Variants in ING1 observed in about 807,000 individuals in gnomAD.
ING1 encodes inhibitor of growth protein 1.
In ING1, 4 loss-of-function variants were observed where a neutral mutation model predicts 23.1. The observed-to-expected ratio is 0.17, with a 90% CI of 0.09 to 0.40. The LOEUF (loss-of-function observed/expected upper bound fraction) is 0.40. ING1 is among the 10% of genes least tolerant of loss of function. The pLI is 1.00. For missense variants in ING1, 256 were observed against 393.8 expected, an observed-to-expected ratio of 0.65 and a Z score of 2.96; for synonymous variants, 179 against 166.4, an observed-to-expected ratio of 1.08 and a Z score of -0.58.
At chr13:110,715,300 G>T in intron 1 of ING1, 2 of 1,381,148 alleles carry the variant, frequency 1.4e-6, no homozygotes, top group Non-Finnish European at 9.3e-7. Flanking sequence ...AAAATTGACC[G>T]CTATCCCCGA....
At chr13:110,715,821 C>T in intron 1 of ING1, 2 of 1,587,140 alleles carry the variant, frequency 1.3e-6, no homozygotes, top group South Asian at 2.2e-5. Flanking sequence ...CGCCCCGGCC[C>T]CTCTCCCCGC....
In ING1 at chr13:110,721,403, A is replaced by C. The variant is rs1314446907; in HGVS notation, c.*1471A>C. Reference sequence around the variant, plus strand: ...CAGCCTCCCCAGTAGCTAGGATTACAGGCATGCACCACCACGCCTGGCTAA... The same window carrying C: ...CAGCCTCCCCAGTAGCTAGGATTACCGGCATGCACCACCACGCCTGGCTAA... On this transcript the variant is annotated 3_prime_UTR_variant, in exon 2 of 2. Transcript: ENST00000333219. 1 of 152,214 alleles carries C rather than the reference A, an allele frequency of 6.6e-6. No homozygotes were observed. The highest frequency in any genetic ancestry group is 2.4e-5 in the African/African-American group (1 of 41,400). The allele number at this position is 152,214 out of a possible 1,614,324, so 9.4% of individuals were successfully genotyped here. A position where few individuals can be genotyped will look rare whatever the true frequency, so the allele number is the denominator to read the frequency against.
In ING1 at chr13:110,713,912, G is replaced by C. The variant is rs538030078; in HGVS notation, c.-238G>C. 3.1e-6 allele frequency: 3 copies of C among 982,500 alleles called. No individual in the cohort carries two copies. In the East Asian group the frequency reaches 3.4e-4, roughly 111 times the overall value. The allele number at this position is 982,500 out of a possible 1,614,324, so 60.9% of individuals were successfully genotyped here. ...GAGAGGGGGCCTGCGCCGCCGGCCG[G>C]GGCGTGCGCCCGGGAGCCACCGCCA... On this transcript the variant is annotated 5_prime_UTR_variant, in exon 1 of 2. Coordinates refer to ENST00000333219, the MANE Select transcript of ING1 (RefSeq NM_198219.3).
In ING1 at chr13:110,715,879, C is replaced by T. The variant is rs761006274; in HGVS notation, c.136+1594C>T. The T allele has an allele frequency of 1.9e-6, 3 of 1,591,620 alleles. No individual in the cohort carries two copies. The South Asian group carries it at 3.3e-5, about 18-fold the overall frequency. ...CGGATTTATAGCAGTAGCAGTGATC[C>T]CGGGCCTGTGGGCTCGGGGCCGGGG... On this transcript the variant is annotated intron_variant, in intron 1 of 1. Coordinates refer to ENST00000333219, the MANE Select transcript of ING1 (RefSeq NM_198219.3).
Position 110,713,921 on chromosome 13 carries a change from C to G in ING1, c.-229C>G, listed in dbSNP as rs1240344821. Reference sequence around the variant, plus strand: ...CCTGCGCCGCCGGCCGGGGCGTGCGCCCGGGAGCCACCGCCACCGCGGCCC... The same window carrying G: ...CCTGCGCCGCCGGCCGGGGCGTGCGGCCGGGAGCCACCGCCACCGCGGCCC... On this transcript the variant is annotated 5_prime_UTR_variant, in exon 1 of 2. Transcript: ENST00000333219. The G allele has an allele frequency of 1.0e-6, 1 of 986,564 alleles. No homozygotes were observed. Among genetic ancestry groups the G allele is most frequent in the African/African-American group, 1.8e-5 (1 of 56,982 alleles). 61.1% of individuals were successfully genotyped at this position (986,564 alleles called of 1,614,324 possible).
chr13:110,717,877 A>G (rs1054900408), intron 1 of ING1, among the ~76,000 whole-genome samples: 1 of 152,204 alleles, frequency 6.6e-6, no homozygotes, highest in Non-Finnish European at 1.5e-5. Flanking sequence ...AGACTGCAAA[A>G]AGGTTTTAGG....
At chr13:110,718,004 A>G (rs2064138760) in intron 1 of ING1, among the ~76,000 whole-genome samples, 2 of 152,206 alleles carry the variant, frequency 1.3e-5, no homozygotes, top group African/African-American at 4.8e-5. Context: ...TAGATTTTTT[A>G]ATAGCTTTTG....
chr13:110,715,811 C>A, intron 1 of ING1: 1 of 1,582,840 alleles, frequency 6.3e-7, no homozygotes. Flanking sequence ...TGGCGGGTGT[C>A]GCCCCGGCCC....
chr13:110,716,107 T>C, intron 1 of ING1: 1 of 1,278,910 alleles, frequency 7.8e-7, no homozygotes, highest in Admixed American at 3.3e-5. Context: ...GGGGTGACCC[T>C]GGGGCTCCGG....
In ING1 at chr13:110,719,977, T is replaced by C; in HGVS notation, c.*45T>C. 7.4e-7 allele frequency: 1 copy of C among 1,351,220 alleles called. No homozygotes were observed. The allele number at this position is 1,351,220 out of a possible 1,614,324, so 83.7% of individuals were successfully genotyped here. ...TGTGAGGAGGACAAAATAAACCGTGTATTTATTACATTGCTGCCTTTGTTG... is the reference window on the plus strand; with the variant it reads ...TGTGAGGAGGACAAAATAAACCGTGCATTTATTACATTGCTGCCTTTGTTG... On this transcript the variant is annotated 3_prime_UTR_variant, in exon 2 of 2. Transcript: ENST00000333219. The surrounding 1 kb of genome is among the most constrained non-coding windows in gnomAD (Gnocchi z 8.9).
chr13:110,712,894 C>A, upstream of ING1: 1 of 1,470,446 alleles, frequency 6.8e-7, no homozygotes, highest in Non-Finnish European at 9.3e-7. Context: ...TACCGGGAGA[C>A]GACACAAAGG....
Position 110,720,810 on chromosome 13 carries a change from C to G in ING1, c.*878C>G, listed in dbSNP as rs2064166139. 1 of 167,028 alleles carries G rather than the reference C, an allele frequency of 6.0e-6. No individual in the cohort carries two copies. The highest frequency in any genetic ancestry group is 2.4e-5 in the African/African-American group (1 of 41,430). 10.3% of individuals were successfully genotyped at this position (167,028 alleles called of 1,614,324 possible). A position where few individuals can be genotyped will look rare whatever the true frequency, so the allele number is the denominator to read the frequency against. On this transcript the variant is annotated 3_prime_UTR_variant, in exon 2 of 2. Transcript: ENST00000333219. Reference sequence around the variant, plus strand: ...GTATATTTAATTTTGACATAAGTAACTTTTAAAATTTGTCTTAAAAATTTA... The same window carrying G: ...GTATATTTAATTTTGACATAAGTAAGTTTTAAAATTTGTCTTAAAAATTTA...
chr13:110,716,190 A>G (rs770479909), intron 1 of ING1, among the ~76,000 whole-genome samples: 2 of 152,192 alleles, frequency 1.3e-5, no homozygotes, highest in Non-Finnish European at 2.9e-5. Context: ...GGCGGGGTGC[A>G]GGGTTCCAGC....
upstream of ING1, chr13:110,713,306 G>C (rs937759970): frequency 4.2e-6 from 5 of 1,195,732 alleles, no homozygotes; most frequent in Non-Finnish European, 5.2e-6. Context: ...TGTGTACCAT[G>C]GTCTCGGAGG....
Position 110,720,958 on chromosome 13 carries a change from A to G in ING1, c.*1026A>G, listed in dbSNP as rs1387887202. On this transcript the variant is annotated 3_prime_UTR_variant, in exon 2 of 2. Transcript: ENST00000333219. ...AAATACGTGTCAAAAAAGAATCTGT[A>G]TTCAGACCCTGGGTCAGGAAATTAC... 2 of 167,144 alleles carry G rather than the reference A, an allele frequency of 1.2e-5. No individual in the cohort carries two copies. The highest frequency in any genetic ancestry group is 4.8e-5 in the African/African-American group (2 of 41,470). The allele number at this position is 167,144 out of a possible 1,614,324, so 10.4% of individuals were successfully genotyped here.
rs1594457761 is a variant in ING1, at chr13:110,719,707, C to T, written c.615C>T (p.Ile205=). 4 of 1,613,940 alleles carry T rather than the reference C, an allele frequency of 2.5e-6. No individual in the cohort carries two copies. The highest frequency in any genetic ancestry group is 1.6e-4 in the Middle Eastern group (1 of 6,062). Residue 205 remains isoleucine (I), a synonymous_variant, in exon 2 of 2, where the codon ATC becomes ATT. Transcript: ENST00000333219. The surrounding 1 kb of genome is among the most constrained non-coding windows in gnomAD (Gnocchi z 8.9). The part of the protein sequence containing the change: ...EREASPADLP[I]DPNEPTYCLC... ...AGGCGTCCCCTGCCGACCTCCCCATCGACCCCAACGAACCCACGTACTGTC... is the reference window on the plus strand; with the variant it reads ...AGGCGTCCCCTGCCGACCTCCCCATTGACCCCAACGAACCCACGTACTGTC...
chr13:110,718,900 C>T (rs1268472347), intron 1 of ING1, among the ~76,000 whole-genome samples: 1 of 152,210 alleles, frequency 6.6e-6, no homozygotes, highest in Non-Finnish European at 1.5e-5. Context: ...CACTGCACCT[C>T]ATTTAAACGT....
At chr13:110,715,749 T>G (rs928318231) in intron 1 of ING1, 2 of 1,583,024 alleles carry the variant, frequency 1.3e-6, no homozygotes, top group South Asian at 1.1e-5. Flanking sequence ...GCGGCGGCTC[T>G]CGGGGTGCGG....
upstream of ING1, chr13:110,713,139 T>A: frequency 7.0e-7 from 1 of 1,430,100 alleles, no homozygotes; most frequent in Non-Finnish European, 9.1e-7. Context: ...TTACTCACGG[T>A]CTCCCCGCCT....
Sources: allele counts gnomAD v4.1 joint callset (sites outside exome capture counted in the v4.1 genomes callset), GRCh38; gene constraint gnomAD v4.1.1; non-coding constraint Gnocchi (gnomAD v3.1); transcripts MANE v1.5; gene names NCBI Gene and HGNC (gene_info 2026-07-23, HGNC 2026-07-21).